The following MYCT1 variants were observed in gnomAD, a reference collection of about 807,000 sequenced individuals.
MYCT1 encodes the protein MYC target 1, also known as myc target protein 1.
MYCT1 carries 12 observed loss-of-function variants against 15.0 expected under a neutral mutation model. The ratio of observed to expected loss-of-function variants is 0.80; its 90% CI spans 0.51 to 1.29. The LOEUF is 1.29. Ranked by LOEUF, MYCT1 falls within the 50% of genes most tolerant of loss-of-function variation. MYCT1 has a pLI of 0.00. For synonymous variants in MYCT1, 104 were observed against 102.7 expected (o/e 1.01, Z -0.07); for missense variants, 287 against 279.1 (o/e 1.03, Z -0.20).
At chr6:152,701,503 A>G (rs2099721302) in intron 1 of MYCT1, among the ~76,000 whole-genome samples, 1 of 152,166 alleles carries the variant, frequency 6.6e-6, no homozygotes, top group Non-Finnish European at 1.5e-5. Context: ...ATCACTTGCA[A>G]TCCAGTGATT....
chr6:152,741,778 A>G, the MYCT1 span, among the ~76,000 whole-genome samples: 1 of 152,352 alleles, frequency 6.6e-6, no homozygotes, highest in South Asian at 2.1e-4. Flanking sequence ...AGCATTATTC[A>G]GATGACTTAA....
chr6:152,709,393 T>A (rs1418261347), intron 1 of MYCT1, among the ~76,000 whole-genome samples: 1 of 16,068 alleles, frequency 6.2e-5, no homozygotes, highest in Non-Finnish European at 1.3e-4. Flanking sequence ...GATGGCTGGG[T>A]CAAATGGTAT....
At chr6:152,703,139 G>A (rs1330311690) in intron 1 of MYCT1, among the ~76,000 whole-genome samples, 1 of 152,158 alleles carries the variant, frequency 6.6e-6, no homozygotes, top group Non-Finnish European at 1.5e-5. Flanking sequence ...GTTTGTATAA[G>A]AGGGCATTGT....
At chr6:152,734,054 T>C in the MYCT1 span, among the ~76,000 whole-genome samples, 1 of 151,996 alleles carries the variant, frequency 6.6e-6, no homozygotes, top group African/African-American at 2.4e-5. Context: ...AAACAGTCCA[T>C]CAATCCTTCA....
At chr6:152,743,484 T>C in the MYCT1 span, among the ~76,000 whole-genome samples, 1 of 152,202 alleles carries the variant, frequency 6.6e-6, no homozygotes, top group African/African-American at 2.4e-5. Context: ...GGTTGTCATT[T>C]GGGGTAAGAA....
chr6:152,703,149 T>C (rs1248317451), intron 1 of MYCT1, among the ~76,000 whole-genome samples: 1 of 152,184 alleles, frequency 6.6e-6, no homozygotes. Flanking sequence ...GAGGGCATTG[T>C]TTATTGTTTA....
intron 1 of MYCT1, among the ~76,000 whole-genome samples, chr6:152,706,847 A>ATATGTGTGTGTGTGTG (rs2099722358): frequency 6.7e-6 from 1 of 148,196 alleles, no homozygotes; most frequent in Admixed American, 6.7e-5. Flanking sequence ...GAAACCATAT[A>ATATGTGTGTGTGTGTG]TGTGTGTGTG....
the MYCT1 span, among the ~76,000 whole-genome samples, chr6:152,733,228 A>G: frequency 0.66 from 100,556 of 151,696 alleles, 33,762 homozygotes; most frequent in East Asian, 0.82. Context: ...ATCAGCCTCC[A>G]GAGAGGCTGG....
chr6:152,731,687 T>G, the MYCT1 span, among the ~76,000 whole-genome samples: 1 of 152,008 alleles, frequency 6.6e-6, no homozygotes, highest in Admixed American at 6.6e-5. Context: ...ATACTTTAAA[T>G]TATTGAAGAG....
At chr6:152,699,496 T>C (rs1011369347) in intron 1 of MYCT1, among the ~76,000 whole-genome samples, 1 of 152,144 alleles carries the variant, frequency 6.6e-6, no homozygotes, top group African/African-American at 2.4e-5. Context: ...TAGCTAGCAC[T>C]AGACAGAAGC....
At chr6:152,739,467 A>G in the MYCT1 span, among the ~76,000 whole-genome samples, 1 of 151,964 alleles carries the variant, frequency 6.6e-6, no homozygotes, top group Non-Finnish European at 1.5e-5. Flanking sequence ...TCACATTGCC[A>G]GCAAAGAATG....
At chr6:152,736,357 G>C in the MYCT1 span, among the ~76,000 whole-genome samples, 1 of 152,038 alleles carries the variant, frequency 6.6e-6, no homozygotes, top group East Asian at 1.9e-4. Flanking sequence ...TTAATTTAGG[G>C]AGTTGTCATC....
rs1410495345 is a variant in MYCT1, at chr6:152,701,245, C to T, written c.196+3147C>T. ...AGTTCACTCAGAAGCGTTCGCTGAC[C>T]ATATTAGGCAATGTGTTAGGAGTCA... On this transcript the variant is annotated intron_variant, in intron 1 of 1. Transcript: ENST00000367245. Among the ~76,000 whole-genome samples the T allele has an allele frequency of 7.9e-5, 12 of 152,230 alleles. No homozygotes were observed. In the East Asian group the frequency reaches 2.3e-3, roughly 30 times the overall value.
the MYCT1 span, among the ~76,000 whole-genome samples, chr6:152,744,568 C>T: frequency 3.3e-5 from 5 of 152,222 alleles, no homozygotes; most frequent in East Asian, 9.7e-4. Context: ...AGCCGTTGGC[C>T]CCTCTAGGGC....
intron 1 of MYCT1, among the ~76,000 whole-genome samples, chr6:152,706,855 G>GTA: frequency 6.6e-6 from 1 of 151,796 alleles, no homozygotes; most frequent in South Asian, 2.1e-4. Context: ...ATATGTGTGT[G>GTA]TGTGTGTGTG....
At chr6:152,737,817 T>G in the MYCT1 span, among the ~76,000 whole-genome samples, 3 of 152,186 alleles carry the variant, frequency 2.0e-5, no homozygotes, top group Non-Finnish European at 2.9e-5. Context: ...ATAATAGCTG[T>G]ATCTCTTCAT....
intron 1 of MYCT1, among the ~76,000 whole-genome samples, 195 bp downstream of exon 1, chr6:152,698,293 C>T (rs1318759606): frequency 1.3e-5 from 2 of 150,868 alleles, no homozygotes; most frequent in African/African-American, 4.9e-5. Context: ...TAAATATATA[C>T]TTATATATTT....
the MYCT1 span, among the ~76,000 whole-genome samples, chr6:152,733,362 C>T: frequency 6.6e-6 from 1 of 151,966 alleles, no homozygotes; most frequent in Non-Finnish European, 1.5e-5. Context: ...CTTGGCCTCC[C>T]AAAATGCTGG....
At chr6:152,740,166 C>T in the MYCT1 span, among the ~76,000 whole-genome samples, 2 of 152,104 alleles carry the variant, frequency 1.3e-5, no homozygotes, top group Non-Finnish European at 2.9e-5. Flanking sequence ...CCTGCCTCAG[C>T]CTCCTGAGTG....
Sources: allele counts gnomAD v4.1 joint callset (sites outside exome capture counted in the v4.1 genomes callset), GRCh38; gene constraint gnomAD v4.1.1; transcripts MANE v1.5; gene names NCBI Gene and HGNC (gene_info 2026-07-23, HGNC 2026-07-21).